ZNF730: variants seen among roughly 807,000 people sequenced by gnomAD.
ZNF730 encodes the protein putative zinc finger protein 730.
In ZNF730, 12 loss-of-function variants were observed where a neutral mutation model predicts 12.6. That is an observed-to-expected ratio of 0.95 (90% confidence interval 0.61 to 1.54). The LOEUF is 1.54. Ranked by LOEUF, ZNF730 falls within the 40% of genes most tolerant of loss-of-function variation. The pLI is 0.00. For synonymous variants in ZNF730, 194 were observed against 195.8 expected, an observed-to-expected ratio of 0.99 and a Z score of 0.08; for missense variants, 643 against 583.5, an observed-to-expected ratio of 1.10 and a Z score of -1.05.
intron 1 of ZNF730, among the ~76,000 whole-genome samples, chr19:23,122,471 A>G (rs1353156841): frequency 6.6e-6 from 1 of 152,192 alleles, no homozygotes; most frequent in Non-Finnish European, 1.5e-5. Context: ...GAGCACACAA[A>G]AGTTGAGCAC....
At chr19:23,121,959 T>C (rs1471434027) in intron 1 of ZNF730, among the ~76,000 whole-genome samples, 3 of 152,184 alleles carry the variant, frequency 2.0e-5, no homozygotes, top group East Asian at 3.8e-4. Context: ...TTTAGAAATA[T>C]ATGTAAATCA....
chr19:23,135,320 T>C (rs1408768810), intron 2 of ZNF730, among the ~76,000 whole-genome samples: 1 of 146,528 alleles, frequency 6.8e-6, no homozygotes, highest in African/African-American at 2.5e-5. Flanking sequence ...ACCTGAACTT[T>C]CCACTTTCCT....
At chr19:23,079,519 T>C (rs1969929171) in intron 1 of ZNF730, among the ~76,000 whole-genome samples, 1 of 152,202 alleles carries the variant, frequency 6.6e-6, no homozygotes, top group Non-Finnish European at 1.5e-5. Flanking sequence ...AATCTACTTA[T>C]AGTTTGAATA....
intron 1 of ZNF730, 131 bp from the exon 2 acceptor site, chr19:23,133,948 AG>A: frequency 9.9e-7 from 1 of 1,013,312 alleles, no homozygotes; most frequent in Non-Finnish European, 1.4e-6. Context: ...TCTGTGTTGA[AG>A]GTTATTAGAT....
intron 1 of ZNF730, among the ~76,000 whole-genome samples, chr19:23,087,815 T>A (rs1568301098): frequency 6.6e-6 from 1 of 151,110 alleles, no homozygotes; most frequent in Non-Finnish European, 1.5e-5. Context: ...GGTTTCTTCA[T>A]CTTGGTCAGG....
intron 1 of ZNF730, among the ~76,000 whole-genome samples, chr19:23,093,900 T>C (rs1466613425): frequency 6.6e-6 from 1 of 152,258 alleles, no homozygotes; most frequent in Non-Finnish European, 1.5e-5. Flanking sequence ...CCGCTGTGCC[T>C]CTGCCAGTTG....
In ZNF730 at chr19:23,117,161, TG is replaced by T. The variant is rs1419466292; in HGVS notation, c.-11del. The T allele has an allele frequency of 6.2e-7, 1 of 1,613,700 alleles. No individual in the cohort carries two copies. Among genetic ancestry groups the T allele is most frequent in the Admixed American group, 1.7e-5 (1 of 59,992 alleles). On this transcript the variant is annotated 5_prime_UTR_variant, in exon 1 of 4. Coordinates refer to ENST00000597761, the MANE Select transcript of ZNF730 (RefSeq NM_001277403.2). ...CCACAGCTAAGACGCCAGGGCCCCC[TG>T]GAAGCCTAGAAATGGTGAGAGTGCC... is the stretch of plus-strand genomic sequence containing the variant.
intron 1 of ZNF730, among the ~76,000 whole-genome samples, chr19:23,133,621 C>T (rs1599596621): frequency 6.6e-6 from 1 of 152,316 alleles, no homozygotes; most frequent in East Asian, 1.9e-4. Context: ...GGATTACAGG[C>T]ATGAGCCACC....
intron 1 of ZNF730, among the ~76,000 whole-genome samples, chr19:23,104,775 T>C (rs898005974): frequency 2.0e-5 from 3 of 152,166 alleles, no homozygotes; most frequent in Admixed American, 2.0e-4. Context: ...AAAAGCCCCT[T>C]GAAAAAACTG....
At chr19:23,125,623 A>G (rs945098883) in intron 1 of ZNF730, 2 of 152,250 alleles carry the variant, frequency 1.3e-5, no homozygotes, top group African/African-American at 4.8e-5. Context: ...TAAGCAAGGC[A>G]GGTCTCTGTT....
At chr19:23,081,052 G>T (rs968995853) in intron 1 of ZNF730, among the ~76,000 whole-genome samples, 1 of 150,918 alleles carries the variant, frequency 6.6e-6, no homozygotes, top group East Asian at 2.0e-4. Context: ...CGCCATGTTG[G>T]CCAGACTGCT....
chr19:23,138,703 C>T (rs1234421765), intron 3 of ZNF730, among the ~76,000 whole-genome samples: 1 of 152,220 alleles, frequency 6.6e-6, no homozygotes, highest in Non-Finnish European at 1.5e-5. Context: ...CAGAGTTTCA[C>T]AACTTCCTTC....
At chr19:23,117,486 G>C (rs1970546032) in intron 1 of ZNF730, among the ~76,000 whole-genome samples, 1 of 152,218 alleles carries the variant, frequency 6.6e-6, no homozygotes, top group African/African-American at 2.4e-5. Context: ...CGTCAGAGGA[G>C]AATCCTGACT....
At chr19:23,107,203 C>A (rs549961911) in intron 1 of ZNF730, among the ~76,000 whole-genome samples, 11 of 151,316 alleles carry the variant, frequency 7.3e-5, no homozygotes, top group Non-Finnish European at 1.6e-4. Context: ...GCTAGAATTA[C>A]AGGTGTGTAC....
At chr19:23,137,975 C>A (rs1970856963) in intron 3 of ZNF730, among the ~76,000 whole-genome samples, 1 of 152,162 alleles carries the variant, frequency 6.6e-6, no homozygotes, top group Non-Finnish European at 1.5e-5. Flanking sequence ...GGCTTTATAT[C>A]AAAATGTAGA....
rs760269906 is a variant in ZNF730 at position 23,134,153 on chromosome 19, A to G, written c.77A>G (p.Gln26Arg). Residue 26 changes from glutamine (Q) to arginine (R), a missense_variant, in exon 2 of 4, where the codon CAG becomes CGG. Gln to Arg is a conservative substitution (Grantham distance 43, BLOSUM62 1). Coordinates refer to ENST00000597761, the MANE Select transcript of ZNF730 (RefSeq NM_001277403.2). ...TGGCAATGTCTGGACACCGAACAAC[A>G]GAATTTATATAGAAATGTAATGTTA... ...EEWQCLDTEQ[Q>R]NLYRNVMLDN... is the part of the protein sequence containing the mutation. 2 of 1,613,144 alleles carry G rather than the reference A, an allele frequency of 1.2e-6. No homozygotes were observed. The highest frequency in any genetic ancestry group is 1.7e-6 in the Non-Finnish European group (2 of 1,179,552).
At chr19:23,081,213 C>T (rs1481264437) in intron 1 of ZNF730, among the ~76,000 whole-genome samples, 6 of 150,950 alleles carry the variant, frequency 4.0e-5, no homozygotes, top group African/African-American at 1.5e-4. Flanking sequence ...AGTGTGATCT[C>T]GGCTTGCTGC....
chr19:23,107,301 C>T (rs1367887380), intron 1 of ZNF730, among the ~76,000 whole-genome samples: 2 of 151,374 alleles, frequency 1.3e-5, no homozygotes, highest in African/African-American at 4.9e-5. Flanking sequence ...TTGATCTGCC[C>T]ACCTTGACCT....
intron 1 of ZNF730, chr19:23,123,931 A>T (rs138432683): frequency 7.2e-5 from 11 of 152,434 alleles, no homozygotes; most frequent in African/African-American, 2.4e-4. Context: ...CTCTATCTGG[A>T]TTCATGCTGG....
Sources: allele counts gnomAD v4.1 joint callset (sites outside exome capture counted in the v4.1 genomes callset), GRCh38; gene constraint gnomAD v4.1.1; transcripts MANE v1.5; gene names NCBI Gene and HGNC (gene_info 2026-07-23, HGNC 2026-07-21).